STOX1: variants seen among roughly 807,000 people sequenced by gnomAD.
The protein encoded by STOX1 is storkhead-box protein 1.
STOX1 carries 57 observed loss-of-function variants against 74.8 expected under a neutral mutation model. The observed-to-expected ratio is 0.76, with a 90% CI of 0.62 to 0.95. The LOEUF (loss-of-function observed/expected upper bound fraction) is 0.95, where lower values mean the gene tolerates loss of function less well. Ranked by LOEUF, STOX1 falls within the 40% of genes least tolerant of loss-of-function variation. The pLI is 0.00. For synonymous variants in STOX1, 375 were observed against 401.3 expected (o/e 0.93, Z 0.78); for missense variants, 1,010 against 1,117.0 (o/e 0.90, Z 1.37).
rs781607249 is a variant in STOX1 at position 68,882,052 on chromosome 10, A to G, written c.405A>G (p.Thr135=). 2 of 1,613,960 alleles carry G rather than the reference A, an allele frequency of 1.2e-6. No homozygotes were observed. Among genetic ancestry groups the G allele is most frequent in the Non-Finnish European group, 1.7e-6 (2 of 1,179,914 alleles). ...VLCCAISDMN[T]AQIVVTQESL... ...GCTGTGCTATATCTGATATGAATAC[A>G]GCTCAGATTGTAGTAACGCAGGAAT... Residue 135 remains threonine (T), a synonymous_variant, in exon 2 of 4, where the codon ACA becomes ACG. Coordinates refer to ENST00000298596, the MANE Select transcript of STOX1 (RefSeq NM_152709.5).
At chr10:68,887,407 C>T (rs750831921) in intron 3 of STOX1, among the ~76,000 whole-genome samples, 11 of 152,002 alleles carry the variant, frequency 7.2e-5, no homozygotes, top group South Asian at 2.1e-4. Context: ...CTCATCCTCC[C>T]GAGTATCTGG....
In STOX1 at chr10:68,886,367, C is replaced by G; in HGVS notation, c.2571C>G (p.Tyr857Ter). The G allele has an allele frequency of 6.2e-7, 1 of 1,614,152 alleles. No individual in the cohort carries two copies. The highest frequency in any genetic ancestry group is 8.5e-7 in the Non-Finnish European group (1 of 1,180,030). ...CTGCTGATGAAAGAATCTTTGATTACTATAGCGCAAGAAAAGCCAGTTTTG... is the reference window on the plus strand; with the variant it reads ...CTGCTGATGAAAGAATCTTTGATTAGTATAGCGCAAGAAAAGCCAGTTTTG... ...SAPADERIFD[Y>*]YSARKASFEA... The change falls in exon 3 of 4, where the codon TAC becomes TAG. Residue 857 changes from tyrosine (Y) to a stop codon, truncating the protein, a stop_gained. Transcript: ENST00000298596. LOFTEE classifies it high-confidence loss of function.
rs756596235 is a variant in STOX1, at chr10:68,885,555, C to G, written c.1759C>G (p.Gln587Glu). 5.0e-6 allele frequency: 8 copies of G among 1,614,068 alleles called. No homozygotes were observed. Among genetic ancestry groups the G allele is most frequent in the Non-Finnish European group, 6.8e-6 (8 of 1,180,036 alleles). The change falls in exon 3 of 4, where the codon CAA becomes GAA. Residue 587 changes from glutamine to glutamate, a missense_variant. Transcript: ENST00000298596. ...DFRGHLFSHP[Q>E]QSMLQNDGKC... ...CAGAGGTCACCTCTTCAGTCACCCT[C>G]AACAGAGCATGTTGCAAAATGATGG...
At chr10:68,889,488 A>G (rs17470673) in intron 3 of STOX1, among the ~76,000 whole-genome samples, 18,157 of 152,200 alleles carry the variant, frequency 0.12, 1,374 homozygotes, top group Admixed American at 0.18. Context: ...CAAATCATAC[A>G]GAGCCATGGC....
At chr10:68,866,703 C>T (rs1361776512) in intron 1 of STOX1, among the ~76,000 whole-genome samples, 8 of 152,172 alleles carry the variant, frequency 5.3e-5, no homozygotes, top group Non-Finnish European at 1.2e-4. Flanking sequence ...TCCGCAGGCT[C>T]CTGTTTCTAC....
intron 1 of STOX1, among the ~76,000 whole-genome samples, chr10:68,863,626 G>A (rs932380505): frequency 6.6e-5 from 10 of 152,058 alleles, no homozygotes; most frequent in Admixed American, 4.6e-4. Context: ...GCATTCAAAG[G>A]TCCTGAAAGA....
At chr10:68,836,408 G>C (rs537220434) in intron 1 of STOX1, among the ~76,000 whole-genome samples, 1 of 152,206 alleles carries the variant, frequency 6.6e-6, no homozygotes, top group African/African-American at 2.4e-5. Context: ...AATGGGTCTG[G>C]ATTCTTGTTC....
At chr10:68,866,709 T>G (rs1423848321) in intron 1 of STOX1, among the ~76,000 whole-genome samples, 2 of 152,200 alleles carry the variant, frequency 1.3e-5, no homozygotes, top group Non-Finnish European at 2.9e-5. Context: ...GGCTCCTGTT[T>G]CTACTTTCTG....
intron 1 of STOX1, among the ~76,000 whole-genome samples, chr10:68,860,588 A>G (rs1211168146): frequency 2.0e-5 from 3 of 151,394 alleles, no homozygotes; most frequent in African/African-American, 7.3e-5. Flanking sequence ...AAAAAAAAAA[A>G]AAAAGGTCTA....
At chr10:68,840,221 C>T (rs981104934) in intron 1 of STOX1, among the ~76,000 whole-genome samples, 1 of 152,112 alleles carries the variant, frequency 6.6e-6, no homozygotes, top group Non-Finnish European at 1.5e-5. Context: ...CACTAAGACT[C>T]CTAGAAGAGA....
intron 3 of STOX1, among the ~76,000 whole-genome samples, chr10:68,889,110 A>C (rs1841038925): frequency 6.6e-6 from 1 of 151,986 alleles, no homozygotes; most frequent in African/African-American, 2.4e-5. Flanking sequence ...CTTCTGGAGT[A>C]GCTTGGATTA....
In STOX1 at chr10:68,892,550, C is replaced by G. The variant is rs993922982; in HGVS notation, c.2823-39C>G. 2.5e-6 allele frequency: 4 copies of G among 1,602,590 alleles called. No homozygotes were observed. The African/African-American group carries it at 5.4e-5, about 21-fold the overall frequency. On this transcript the variant is annotated intron_variant, in intron 3 of 3. Coordinates refer to ENST00000298596, the MANE Select transcript of STOX1 (RefSeq NM_152709.5). ...TGCCTTGGTTAGAAATTCAAGTTCC[C>G]TTCGAAGCCAATAATTCTGTTATTT...
At chr10:68,889,351 C>T (rs1379457422) in intron 3 of STOX1, among the ~76,000 whole-genome samples, 8 of 152,110 alleles carry the variant, frequency 5.3e-5, no homozygotes, top group African/African-American at 7.2e-5. Flanking sequence ...TTTGTGGAGA[C>T]AATATATTGC....
chr10:68,881,004 C>G (rs1840803720), intron 1 of STOX1, among the ~76,000 whole-genome samples: 1 of 152,124 alleles, frequency 6.6e-6, no homozygotes. Context: ...CCTACTCTGT[C>G]TTAAATGTAG....
chr10:68,872,908 G>A (rs547687573), intron 1 of STOX1, among the ~76,000 whole-genome samples: 243 of 59,546 alleles, frequency 4.1e-3, no homozygotes, highest in African/African-American at 0.017. Flanking sequence ...TAAAATAAGC[G>A]TAATTGTTCT....
chr10:68,890,040 T>G (rs1841061366), intron 3 of STOX1, among the ~76,000 whole-genome samples: 1 of 151,856 alleles, frequency 6.6e-6, no homozygotes, highest in African/African-American at 2.4e-5. Flanking sequence ...CTGCCCACCT[T>G]GGCCTCCCTG....
At chr10:68,833,995 C>T (rs1839478682) in intron 1 of STOX1, among the ~76,000 whole-genome samples, 1 of 152,194 alleles carries the variant, frequency 6.6e-6, no homozygotes, top group Non-Finnish European at 1.5e-5. Flanking sequence ...GGCTGGTTCA[C>T]ACAATCTTCT....
chr10:68,839,904 CCACA>C (rs951293017), intron 1 of STOX1, among the ~76,000 whole-genome samples: 3 of 151,706 alleles, frequency 2.0e-5, no homozygotes, highest in South Asian at 2.1e-4. Flanking sequence ...AAAACAAAAA[CCACA>C]CACACACAAA....
intron 2 of STOX1, 23 bp downstream of exon 2, chr10:68,882,133 A>G: frequency 6.2e-7 from 1 of 1,609,102 alleles, no homozygotes; most frequent in Non-Finnish European, 8.5e-7. Context: ...ATTTTTGTCT[A>G]TTTGTACTTC....
Sources: gnomAD v4.1 joint callset for allele counts (sites outside exome capture counted in the v4.1 genomes callset) on GRCh38, gnomAD v4.1.1 for gene constraint, MANE v1.5 for transcripts, NCBI Gene and HGNC (gene_info 2026-07-23, HGNC 2026-07-21) for gene names.